Variants in CCNY observed in about 807,000 individuals in gnomAD.
CCNY encodes the protein cyclin Y, also known as cyclin-Y.
CCNY carries 19 observed loss-of-function variants against 42.8 expected under a neutral mutation model. The ratio of observed to expected loss-of-function variants is 0.44; its 90% CI spans 0.31 to 0.65. The LOEUF (loss-of-function observed/expected upper bound fraction) is 0.65, where lower values mean the gene tolerates loss of function less well. Among genes scored for constraint, CCNY ranks in the 30% least tolerant of loss-of-function variants. CCNY has a pLI of 0.07. For synonymous variants in CCNY, 165 were observed against 162.7 expected (o/e 1.01, Z -0.11); for missense variants, 370 against 437.3 (o/e 0.85, Z 1.37).
At chr10:35,390,217 T>A (rs1308843475) in intron 1 of CCNY, among the ~76,000 whole-genome samples, 2 of 152,208 alleles carry the variant, frequency 1.3e-5, no homozygotes, top group Non-Finnish European at 2.9e-5. Context: ...GTTTTGACCT[T>A]GTCTAAATGC....
chr10:35,358,021 A>T (rs1180172653), intron 1 of CCNY, among the ~76,000 whole-genome samples: 1 of 151,844 alleles, frequency 6.6e-6, no homozygotes, highest in Non-Finnish European at 1.5e-5. Context: ...TGTCCTTATC[A>T]TTCCTTCAGT....
Position 35,392,375 on chromosome 10 carries a change from A to C in CCNY, c.154+55168A>C, listed in dbSNP as rs191373920. 3.5e-3 allele frequency among the ~76,000 whole-genome samples: 534 copies of C among 152,358 alleles called. 5 individuals carry two copies. The highest frequency in any genetic ancestry group is 0.013 in the African/African-American group (523 of 41,580). ...TGAAGGATGTAGAGTGACCCAGGCC[A>C]GGCTTCCTGTCCTTCAGGAGCTCAT... On this transcript the variant is annotated intron_variant, in intron 1 of 9. Coordinates refer to ENST00000374704, the MANE Select transcript of CCNY (RefSeq NM_145012.6).
chr10:35,261,239 A>AAT (rs1554963507), intron 3 of CCNY, among the ~76,000 whole-genome samples: 181 of 132,188 alleles, frequency 1.4e-3, no homozygotes, highest in African/African-American at 3.4e-3. Flanking sequence ...AAAAAAAAAA[A>AAT]TTTTTTTTTT....
Position 35,471,225 on chromosome 10 carries a change from G to A in CCNY, c.155-12179G>A, listed in dbSNP as rs377053113. On this transcript the variant is annotated intron_variant, in intron 1 of 9. Coordinates refer to ENST00000374704, the MANE Select transcript of CCNY (RefSeq NM_145012.6). The stretch of plus-strand genomic sequence containing the variant: ...TTTATTGGAGTGATTATCAGTTTGG[G>A]GCGTGGCAGTGCAGAGAAAGGGGGA... 7.9e-5 allele frequency among the ~76,000 whole-genome samples: 12 copies of A among 152,226 alleles called. No homozygotes were observed. The East Asian group carries it at 1.2e-3, about 15-fold the overall frequency.
intron 8 of CCNY, among the ~76,000 whole-genome samples, chr10:35,557,721 A>G (rs1281188701): frequency 6.6e-6 from 1 of 152,190 alleles, no homozygotes; most frequent in Non-Finnish European, 1.5e-5. Context: ...GTGCCACCGC[A>G]CTCCAGCCTT....
At chr10:35,380,494 A>G (rs1375535494) in intron 1 of CCNY, among the ~76,000 whole-genome samples, 2 of 152,242 alleles carry the variant, frequency 1.3e-5, no homozygotes, top group Admixed American at 6.5e-5. Flanking sequence ...AACTTCAAAC[A>G]TTTATTTCAG....
chr10:35,416,667 G>C (rs1838032040), intron 1 of CCNY, among the ~76,000 whole-genome samples: 1 of 152,094 alleles, frequency 6.6e-6, no homozygotes, highest in Non-Finnish European at 1.5e-5. Context: ...AAATGATGTG[G>C]CATGATTTAT....
intron 1 of CCNY, among the ~76,000 whole-genome samples, chr10:35,406,343 G>A (rs540828668): frequency 6.6e-6 from 1 of 151,918 alleles, no homozygotes; most frequent in African/African-American, 2.4e-5. Context: ...AGTGAACAAA[G>A]GTCTCTGGTT....
chr10:35,516,662 T>G lies in CCNY; in HGVS notation c.365+39T>G, dbSNP rs762115246. 4 of 61,838 alleles carry G rather than the reference T, an allele frequency of 6.5e-5. No individual in the cohort carries two copies. The South Asian group carries it at 1.2e-3, about 18-fold the overall frequency. 3.8% of individuals were successfully genotyped at this position (61,838 alleles called of 1,614,324 possible). On this transcript the variant is annotated intron_variant, in intron 4 of 9. Transcript: ENST00000374704. ...TTTATTTCCTTCCTTCCTTCCTTCC[T>G]TTTTTTTTTTTTTTTTTTTTTTTTT...
intron 1 of CCNY, among the ~76,000 whole-genome samples, chr10:35,460,934 G>A (rs1226921345): frequency 6.6e-6 from 1 of 152,184 alleles, no homozygotes; most frequent in East Asian, 1.9e-4. Flanking sequence ...GAACTTGTAT[G>A]TGGAGGTTGG....
At chr10:35,262,508 G>A (rs992868583) in intron 3 of CCNY, among the ~76,000 whole-genome samples, 2 of 151,572 alleles carry the variant, frequency 1.3e-5, no homozygotes, top group Middle Eastern at 3.2e-3. Context: ...ACAGGTGCAC[G>A]CCACCACACC....
intron 1 of CCNY, among the ~76,000 whole-genome samples, chr10:35,381,742 C>T (rs1021382628): frequency 6.6e-6 from 1 of 152,092 alleles, no homozygotes; most frequent in Non-Finnish European, 1.5e-5. Context: ...GTGTATTTAA[C>T]TCTGTAGTAT....
chr10:35,512,638 C>T (rs532397633), intron 3 of CCNY, among the ~76,000 whole-genome samples: 14 of 152,072 alleles, frequency 9.2e-5, no homozygotes, highest in South Asian at 2.1e-4. Flanking sequence ...TTGAAGAAGC[C>T]GAGGGACTAA....
At chr10:35,331,453 C>CA (rs1466514563) in intron 3 of CCNY, among the ~76,000 whole-genome samples, 8 of 152,220 alleles carry the variant, frequency 5.3e-5, no homozygotes, top group Non-Finnish European at 1.2e-4. Context: ...GTAGATAAAT[C>CA]AGTTTCCAAG....
intron 4 of CCNY, 61 bp from the exon 5 acceptor site, chr10:35,525,903 G>A (rs1840641860): frequency 1.4e-6 from 2 of 1,425,822 alleles, no homozygotes; most frequent in Middle Eastern, 1.8e-4. Flanking sequence ...CTGTGGCCAG[G>A]TAATGTGTAA....
chr10:35,309,253 G>T (rs951862736), intron 3 of CCNY, among the ~76,000 whole-genome samples: 1 of 152,158 alleles, frequency 6.6e-6, no homozygotes, highest in African/African-American at 2.4e-5. Context: ...AGTGTCTCAA[G>T]GAAGAATGGC....
In CCNY at chr10:35,566,125, A is replaced by G. The variant is rs762896032; in HGVS notation, c.849A>G (p.Glu283=). The G allele has an allele frequency of 6.2e-7, 1 of 1,614,228 alleles. No individual in the cohort carries two copies. Among genetic ancestry groups the G allele is most frequent in the Admixed American group, 1.7e-5 (1 of 60,026 alleles). ...ATTTTGATCTTCGTTCTCTGGCAGA[A>G]GCGAACAACCTGAGCTTTCCCTTGG... is the stretch of plus-strand genomic sequence containing the variant. ...KYYFDLRSLA[E]ANNLSFPLEP... The change falls in exon 9 of 10, where the codon GAA becomes GAG. Residue 283 remains glutamate, a synonymous_variant. Coordinates refer to ENST00000374704, the MANE Select transcript of CCNY (RefSeq NM_145012.6).
chr10:35,356,969 G>A (rs1288224043), intron 1 of CCNY, among the ~76,000 whole-genome samples: 1 of 152,048 alleles, frequency 6.6e-6, no homozygotes, highest in Non-Finnish European at 1.5e-5. Context: ...CTTTCTCGTT[G>A]TGACTCCATG....
intron 7 of CCNY, among the ~76,000 whole-genome samples, chr10:35,552,752 G>A (rs1471327873): frequency 6.6e-6 from 1 of 152,234 alleles, no homozygotes; most frequent in Non-Finnish European, 1.5e-5. Context: ...GATAGAGTGA[G>A]AAATTAGCCT....
Sources: gnomAD v4.1 joint callset for allele counts (sites outside exome capture counted in the v4.1 genomes callset) on GRCh38, gnomAD v4.1.1 for gene constraint, MANE v1.5 for transcripts, NCBI Gene and HGNC (gene_info 2026-07-23, HGNC 2026-07-21) for gene names.